The following SHISA9 variants were observed in gnomAD, a reference collection of about 807,000 sequenced individuals.
The protein encoded by SHISA9 is protein shisa-9.
In SHISA9, 13 loss-of-function variants were observed where a neutral mutation model predicts 38.0. That is an observed-to-expected ratio of 0.34 (90% CI 0.22 to 0.54). SHISA9 has a LOEUF of 0.54. Among genes scored for constraint, SHISA9 ranks in the 20% least tolerant of loss-of-function variants. The pLI is 0.91. For synonymous variants in SHISA9, 275 were observed against 242.0 expected, an observed-to-expected ratio of 1.14 and a Z score of -1.27; for missense variants, 538 against 575.8, an observed-to-expected ratio of 0.93 and a Z score of 0.67.
chr16:13,366,809 C>T, the SHISA9 span, among the ~76,000 whole-genome samples: 1 of 151,882 alleles, frequency 6.6e-6, no homozygotes, highest in Non-Finnish European at 1.5e-5. Flanking sequence ...ATGGTGAAAC[C>T]CCATCTCTAC....
At chr16:13,264,931 C>T in the SHISA9 span, among the ~76,000 whole-genome samples, 229 of 148,282 alleles carry the variant, frequency 1.5e-3, 2 homozygotes, top group African/African-American at 5.5e-3. Context: ...TCCCCTCCCT[C>T]GCTCCTCCTT....
intron 2 of SHISA9, among the ~76,000 whole-genome samples, chr16:12,951,104 C>G (rs1392811400): frequency 6.7e-6 from 1 of 149,830 alleles, no homozygotes; most frequent in Non-Finnish European, 1.5e-5. Flanking sequence ...ACCTGTAATC[C>G]CAGCTACTTG....
At chr16:13,456,003 G>A in the SHISA9 span, among the ~76,000 whole-genome samples, 35,717 of 152,076 alleles carry the variant, frequency 0.23, 4,337 homozygotes, top group South Asian at 0.3. Flanking sequence ...CTTGGGCTAA[G>A]GACTCTCAGG....
At chr16:13,080,474 A>G (rs2073635941) in intron 2 of SHISA9, among the ~76,000 whole-genome samples, 1 of 152,188 alleles carries the variant, frequency 6.6e-6, no homozygotes, top group Admixed American at 6.5e-5. Flanking sequence ...GAAGTGTCCC[A>G]TTGGTCTAGT....
chr16:13,508,335 T>C, the SHISA9 span, among the ~76,000 whole-genome samples: 1 of 152,250 alleles, frequency 6.6e-6, no homozygotes, highest in Non-Finnish European at 1.5e-5. Flanking sequence ...CCATAATTTA[T>C]TTAACTATTC....
At chr16:13,377,656 A>C in the SHISA9 span, among the ~76,000 whole-genome samples, 5 of 152,246 alleles carry the variant, frequency 3.3e-5, no homozygotes, top group Non-Finnish European at 5.9e-5. Context: ...AATGTGAAAA[A>C]GAAGATTCTA....
chr16:13,325,309 TA>T, the SHISA9 span, among the ~76,000 whole-genome samples: 2 of 152,228 alleles, frequency 1.3e-5, no homozygotes, highest in Admixed American at 6.5e-5. Flanking sequence ...AACATATTGC[TA>T]CAAGCAGCTT....
At chr16:13,542,731 C>A in the SHISA9 span, among the ~76,000 whole-genome samples, 2 of 152,176 alleles carry the variant, frequency 1.3e-5, no homozygotes, top group Non-Finnish European at 2.9e-5. Context: ...TCGCTTAAAT[C>A]AAAATAAGCA....
chr16:13,001,081 T>C (rs1223309036), intron 2 of SHISA9, among the ~76,000 whole-genome samples: 2 of 152,110 alleles, frequency 1.3e-5, no homozygotes, highest in Non-Finnish European at 2.9e-5. Context: ...GTACCCACCA[T>C]GATGCCTGAC....
At chr16:13,015,694 T>C (rs937939695) in intron 2 of SHISA9, among the ~76,000 whole-genome samples, 2 of 152,050 alleles carry the variant, frequency 1.3e-5, no homozygotes, top group Non-Finnish European at 2.9e-5. Flanking sequence ...TGTTACCCTA[T>C]GCGTAGATAC....
chr16:13,248,964 T>C, the SHISA9 span, among the ~76,000 whole-genome samples: 1 of 152,190 alleles, frequency 6.6e-6, no homozygotes, highest in African/African-American at 2.4e-5. Context: ...TTCATTCTTA[T>C]GTGCCTATGA....
At chr16:13,064,805 A>T (rs1050876615) in intron 2 of SHISA9, among the ~76,000 whole-genome samples, 6 of 151,876 alleles carry the variant, frequency 4.0e-5, no homozygotes, top group African/African-American at 1.4e-4. Flanking sequence ...AAAAAAAGAA[A>T]AAAAGAGAAC....
intron 2 of SHISA9, among the ~76,000 whole-genome samples, chr16:13,125,833 T>G (rs1265838003): frequency 6.6e-6 from 1 of 152,232 alleles, no homozygotes; most frequent in East Asian, 1.9e-4. Flanking sequence ...ATTTATTTGT[T>G]TATTGTTCAT....
intron 2 of SHISA9, among the ~76,000 whole-genome samples, chr16:13,129,127 G>A (rs1022411365): frequency 6.6e-6 from 1 of 152,146 alleles, no homozygotes; most frequent in Non-Finnish European, 1.5e-5. Context: ...GAGTGAATAA[G>A]AAGACAGAGT....
the SHISA9 span, among the ~76,000 whole-genome samples, chr16:13,469,037 G>A: frequency 2.6e-5 from 4 of 151,776 alleles, no homozygotes; most frequent in Non-Finnish European, 5.9e-5. Context: ...GAGGTCAGGA[G>A]TTTAAGAGCA....
At chr16:13,307,046 G>T in the SHISA9 span, among the ~76,000 whole-genome samples, 1 of 152,076 alleles carries the variant, frequency 6.6e-6, no homozygotes, top group African/African-American at 2.4e-5. Context: ...ATGGTATTAA[G>T]AAATAAAAAT....
rs186071450 is a variant in SHISA9, at chr16:13,079,530, A to G, written c.692-123864A>G. Among the ~76,000 whole-genome samples, 25 of 152,332 alleles carry G rather than the reference A, an allele frequency of 1.6e-4. No homozygotes were observed. In the East Asian group the frequency reaches 4.4e-3, roughly 27 times the overall value. ...TTGCGCTGTGCAATTAGCAAATTAC[A>G]CTCATTTTTCCCACCCCAAAAAAGT... On this transcript the variant is annotated intron_variant, in intron 2 of 4. Coordinates refer to ENST00000558583, the MANE Select transcript of SHISA9 (RefSeq NM_001145204.3).
chr16:13,399,813 A>C, the SHISA9 span, among the ~76,000 whole-genome samples: 1 of 152,128 alleles, frequency 6.6e-6, no homozygotes, highest in Non-Finnish European at 1.5e-5. Context: ...GAGAATCTGC[A>C]TTTCTCATAA....
the SHISA9 span, among the ~76,000 whole-genome samples, chr16:13,430,411 T>A: frequency 2.6e-5 from 4 of 152,290 alleles, no homozygotes; most frequent in Non-Finnish European, 2.9e-5. Context: ...ATTTGCAAAC[T>A]CCGGTGGGCC....
Sources: allele counts gnomAD v4.1 joint callset (sites outside exome capture counted in the v4.1 genomes callset), GRCh38; gene constraint gnomAD v4.1.1; transcripts MANE v1.5; gene names NCBI Gene and HGNC (gene_info 2026-07-23, HGNC 2026-07-21).